The following PITPNM2 variants were observed in gnomAD, a reference collection of about 807,000 sequenced individuals.
PITPNM2 encodes phosphatidylinositol transfer protein membrane associated 2.
Under a neutral mutation model 132.2 loss-of-function variants are expected in PITPNM2, and 35 were observed. The observed-to-expected ratio is 0.26, with a 90% CI of 0.20 to 0.35. The LOEUF (loss-of-function observed/expected upper bound fraction) is 0.35. PITPNM2 is among the 10% of genes least tolerant of loss of function. PITPNM2 has a pLI of 1.00. For missense variants in PITPNM2, 1,332 were observed against 1,912.0 expected (o/e 0.70, Z 5.66); for synonymous variants, 738 against 799.2 (o/e 0.92, Z 1.29).
At chr12:123,114,215 T>A (rs2042893636) in intron 1 of PITPNM2, among the ~76,000 whole-genome samples, 2 of 152,132 alleles carry the variant, frequency 1.3e-5, no homozygotes, top group South Asian at 4.1e-4. Flanking sequence ...CACCTAGTTA[T>A]TCCTAATTTT....
In PITPNM2 at chr12:123,031,353, TG is replaced by T. The variant is rs1228646665; in HGVS notation, c.78+3159del. Among the ~76,000 whole-genome samples the T allele has an allele frequency of 2.6e-5, 4 of 152,140 alleles. No individual in the cohort carries two copies. The highest frequency in any genetic ancestry group is 5.9e-5 in the Non-Finnish European group (4 of 68,014). On this transcript the variant is annotated intron_variant, in intron 3 of 25. Coordinates refer to ENST00000320201, the MANE Select transcript of PITPNM2 (RefSeq NM_020845.3). The surrounding 1 kb of genome is among the most constrained non-coding windows in gnomAD (Gnocchi z 4.5). The stretch of plus-strand genomic sequence containing the variant: ...GAGCTCATTTTGTTGGAGCTCGGAC[TG>T]GGGGCTGTGGAGGCCAGAACCCAGC...
At chr12:123,136,407 C>T (rs2043383923) in intron 1 of PITPNM2, among the ~76,000 whole-genome samples, 1 of 152,060 alleles carries the variant, frequency 6.6e-6, no homozygotes, top group South Asian at 2.1e-4. Context: ...CTTTCTGACT[C>T]CCCCTCAGTC....
rs1424552624 is a variant in PITPNM2, at chr12:122,985,387, C to T, written c.*640G>A. 1 of 152,260 alleles carries T rather than the reference C, an allele frequency of 6.6e-6. No homozygotes were observed. Among genetic ancestry groups the T allele is most frequent in the Non-Finnish European group, 1.5e-5 (1 of 68,028 alleles). 9.4% of individuals were successfully genotyped at this position (152,260 alleles called of 1,614,324 possible). A position where few individuals can be genotyped will look rare whatever the true frequency, so the allele number is the denominator to read the frequency against. Reference sequence around the variant, plus strand: ...GGGCAGGCAGACAGGTGGGCAGGGTCCGGGGTGCAGAAATTAAGATACAGC... The same window carrying T: ...GGGCAGGCAGACAGGTGGGCAGGGTTCGGGGTGCAGAAATTAAGATACAGC... On this transcript the variant is annotated 3_prime_UTR_variant, in exon 26 of 26. Transcript: ENST00000320201.
chr12:123,041,563 C>T (rs560720733), intron 2 of PITPNM2, among the ~76,000 whole-genome samples: 29 of 152,244 alleles, frequency 1.9e-4, no homozygotes, highest in South Asian at 1.5e-3. Flanking sequence ...CCCCTTGGCC[C>T]GAAGCTGAAC....
At position 123,150,886 on chromosome 12, in the gene PITPNM2, C is replaced by T. The variant is rs950424673; in HGVS notation, c.-333G>A. 6.8e-6 allele frequency among the ~76,000 whole-genome samples: 1 copy of T among 146,060 alleles called. No individual in the cohort carries two copies. Among genetic ancestry groups the T allele is most frequent in the Non-Finnish European group, 1.5e-5 (1 of 65,700 alleles). On this transcript the variant is annotated 5_prime_UTR_variant, in exon 1 of 26. Coordinates refer to ENST00000320201, the MANE Select transcript of PITPNM2 (RefSeq NM_020845.3). The surrounding 1 kb of genome is among the most constrained non-coding windows in gnomAD (Gnocchi z 6.0). ...GCTGCGCCCCGCGCGCCCCCGCCGCCTGCTGGCCCCGGGCGAGCGGCAGAG... is the reference window on the plus strand; with the variant it reads ...GCTGCGCCCCGCGCGCCCCCGCCGCTTGCTGGCCCCGGGCGAGCGGCAGAG...
chr12:123,017,984 TTTCCTTCC>T (rs1163587142), intron 3 of PITPNM2, among the ~76,000 whole-genome samples: 5,203 of 90,292 alleles, frequency 0.058, 157 homozygotes, highest in Middle Eastern at 0.11. Context: ...TTCTCTCACT[TTTCCTTCC>T]TTCCTTCCTT....
chr12:123,068,117 C>G (rs556775476), intron 2 of PITPNM2, among the ~76,000 whole-genome samples: 1 of 152,312 alleles, frequency 6.6e-6, no homozygotes, highest in African/African-American at 2.4e-5. Context: ...CACATGGTAC[C>G]TGAACAGCTT....
intron 2 of PITPNM2, chr12:123,087,176 T>C (rs1202149861): frequency 6.6e-6 from 1 of 152,214 alleles, no homozygotes; most frequent in African/African-American, 2.4e-5. Flanking sequence ...GTGTACCCTG[T>C]TGAAGGGCAA....
intron 11 of PITPNM2, 118 bp from the exon 12 acceptor site, chr12:122,997,028 G>C: frequency 9.0e-7 from 1 of 1,115,850 alleles, no homozygotes; most frequent in African/African-American, 1.6e-5. Context: ...GACCCTTCCC[G>C]GCCAGGGCCT....
rs141270587 is a variant in PITPNM2 at position 122,986,292 on chromosome 12, C to T, written c.3785G>A (p.Arg1262Gln). 46 of 1,582,290 alleles carry T rather than the reference C, an allele frequency of 2.9e-5. No homozygotes were observed. Among genetic ancestry groups the T allele is most frequent in the Non-Finnish European group, 3.3e-5 (39 of 1,168,336 alleles). The change falls in exon 26 of 26, where the codon CGG (arginine) becomes CAG (glutamine). Residue 1262 changes from arginine to glutamine, a missense_variant. By Grantham distance (43) the Arg-to-Gln change is conservative. Around this residue, in one of 6 missense-constraint regions of PITPNM2, gnomAD observed 163 missense variants for 177.2 expected, o/e 0.92. Coordinates refer to ENST00000320201, the MANE Select transcript of PITPNM2 (RefSeq NM_020845.3). ...LAQLKYSHRA[R>Q]PARNTATRMA... Reference sequence around the variant, plus strand: ...GCGGGTGGCCGTGTTGCGAGCGGGCCGCGCCCGGTGGCTGTACTTCAGCTG... The same window carrying T: ...GCGGGTGGCCGTGTTGCGAGCGGGCTGCGCCCGGTGGCTGTACTTCAGCTG...
chr12:123,000,750 C>T lies in PITPNM2; in HGVS notation c.1224+28G>A, dbSNP rs200801348. On this transcript the variant is annotated intron_variant, in intron 10 of 25. Transcript: ENST00000320201. This position sits in a 1 kb window ranked among gnomAD's most constrained non-coding sequence, Gnocchi z 5.4. ...CTGCCCCTCCCTTGGCGGCCATGCC[C>T]CTGTCCCTCTGACACCCGGGCACCC... is the stretch of plus-strand genomic sequence containing the variant. 1.2e-5 allele frequency: 19 copies of T among 1,612,414 alleles called. No homozygotes were observed. Among genetic ancestry groups the T allele is most frequent in the Non-Finnish European group, 1.4e-5 (16 of 1,179,136 alleles).
chr12:123,149,236 G>T (rs2043679548), intron 1 of PITPNM2, among the ~76,000 whole-genome samples: 1 of 152,180 alleles, frequency 6.6e-6, no homozygotes, highest in Non-Finnish European at 1.5e-5. Flanking sequence ...AGCAGCTGGG[G>T]AAGACCAGGA....
rs2039707206 is a variant in PITPNM2 at position 123,022,483 on chromosome 12, G to A, written c.79-8441C>T. Among the ~76,000 whole-genome samples, 1 of 152,096 alleles carries A rather than the reference G, an allele frequency of 6.6e-6. No homozygotes were observed. The highest frequency in any genetic ancestry group is 2.1e-4 in the South Asian group (1 of 4,818). The stretch of plus-strand genomic sequence containing the variant: ...GGAGAGAGGGCTTCCTGGAAAAAGA[G>A]GCTACCAAGGGAGGCAAAGAGCATG... On this transcript the variant is annotated intron_variant, in intron 3 of 25. Transcript: ENST00000320201. The surrounding 1 kb of genome is among the most constrained non-coding windows in gnomAD (Gnocchi z 4.9).
chr12:123,115,665 T>C (rs1043722733), intron 1 of PITPNM2, among the ~76,000 whole-genome samples: 3 of 152,018 alleles, frequency 2.0e-5, no homozygotes, highest in African/African-American at 4.8e-5. Flanking sequence ...CACAAAAATA[T>C]CATTTGGATG....
Position 122,992,717 on chromosome 12 carries a change from C to G in PITPNM2, c.2234-48G>C. Reference sequence around the variant, plus strand: ...CAGAGCTGGGGCTGGCCCTGAGGAGCAGTGGTGGGGGTGGGAAATTTGGGA... The same window carrying G: ...CAGAGCTGGGGCTGGCCCTGAGGAGGAGTGGTGGGGGTGGGAAATTTGGGA... On this transcript the variant is annotated intron_variant, in intron 15 of 25. Transcript: ENST00000320201. This position sits in a 1 kb window ranked among gnomAD's most constrained non-coding sequence, Gnocchi z 6.5. 7.0e-7 allele frequency: 1 copy of G among 1,437,372 alleles called. No homozygotes were observed. The allele number at this position is 1,437,372 out of a possible 1,614,324, so 89.0% of individuals were successfully genotyped here.
chr12:123,082,356 GTT>G lies in PITPNM2; in HGVS notation c.-96+28027_-96+28028del, dbSNP rs1180571299. On this transcript the variant is annotated intron_variant, in intron 2 of 25. Coordinates refer to ENST00000320201, the MANE Select transcript of PITPNM2 (RefSeq NM_020845.3). The surrounding 1 kb of genome is among the most constrained non-coding windows in gnomAD (Gnocchi z 5.4). ...TCTAATTTTCTTCAGAGCGTTGATC[GTT>G]ATCTAGTACCCGACTTACTTTTCTT... Among the ~76,000 whole-genome samples, 4 of 152,056 alleles carry G rather than the reference GTT, an allele frequency of 2.6e-5. No individual in the cohort carries two copies. The highest frequency in any genetic ancestry group is 5.9e-5 in the Non-Finnish European group (4 of 67,994).
At chr12:123,032,122 A>T (rs2040114216) in intron 3 of PITPNM2, among the ~76,000 whole-genome samples, 2 of 152,234 alleles carry the variant, frequency 1.3e-5, no homozygotes, top group South Asian at 4.1e-4. Flanking sequence ...TGAGCGTCTA[A>T]CAGGGAACTA....
chr12:123,146,017 A>T (rs1485620024), intron 1 of PITPNM2, among the ~76,000 whole-genome samples: 1 of 152,182 alleles, frequency 6.6e-6, no homozygotes. Flanking sequence ...AACATGGATG[A>T]AACTGGAGGC....
intron 1 of PITPNM2, among the ~76,000 whole-genome samples, chr12:123,138,184 C>T (rs1611973): frequency 2.0e-5 from 3 of 151,960 alleles, no homozygotes; most frequent in Non-Finnish European, 4.4e-5. Flanking sequence ...CAATGGTTCA[C>T]GCCTGTAATC....
Sources: gnomAD v4.1 joint callset for allele counts (sites outside exome capture counted in the v4.1 genomes callset) on GRCh38, gnomAD v4.1.1 for gene constraint, gnomAD v4.1.1 regional missense constraint, Gnocchi (gnomAD v3.1) non-coding constraint, MANE v1.5 for transcripts, NCBI Gene and HGNC (gene_info 2026-07-23, HGNC 2026-07-21) for gene names.